Variants in GPC6 observed in about 807,000 individuals in gnomAD.
GPC6 encodes glypican 6.
Under a neutral mutation model 55.2 loss-of-function variants are expected in GPC6, and 14 were observed. The ratio of observed to expected loss-of-function variants is 0.25; its 90% confidence interval spans 0.17 to 0.40. The LOEUF (loss-of-function observed/expected upper bound fraction) is 0.40, where lower values mean the gene tolerates loss of function less well. GPC6 is among the 10% of genes least tolerant of loss of function. The pLI, the probability that GPC6 is intolerant of heterozygous loss-of-function variation, is 1.00. For missense variants in GPC6, 641 were observed against 708.5 expected (o/e 0.90, Z 1.08); for synonymous variants, 278 against 259.6 (o/e 1.07, Z -0.68).
intron 5 of GPC6, among the ~76,000 whole-genome samples, chr13:94,288,885 A>AATATATATATATTTGTT (rs1555316139): frequency 6.0e-5 from 2 of 33,392 alleles, no homozygotes; most frequent in Admixed American, 9.8e-4. Context: ...ATATATAACT[A>AATATATATATATTTGTT]ATATATATAA....
chr13:93,830,898 A>G (rs908322278), intron 3 of GPC6: 5 of 241,370 alleles, frequency 2.1e-5, no homozygotes, highest in Non-Finnish European at 3.2e-5. Flanking sequence ...ATACTCATGA[A>G]AGAATCCATT....
At chr13:93,998,775 T>C (rs1316817569) in intron 3 of GPC6, among the ~76,000 whole-genome samples, 9 of 152,098 alleles carry the variant, frequency 5.9e-5, no homozygotes, top group Admixed American at 5.2e-4. Context: ...TGTGTGTATA[T>C]ATATATAATG....
At chr13:93,944,370 A>AT (rs748413292) in intron 3 of GPC6, among the ~76,000 whole-genome samples, 147 of 151,668 alleles carry the variant, frequency 9.7e-4, no homozygotes, top group Non-Finnish European at 1.7e-3. Flanking sequence ...TGCCTAGCTA[A>AT]TTTTTTTGTA....
At chr13:94,247,859 T>C (rs1322560893) in intron 4 of GPC6, among the ~76,000 whole-genome samples, 1 of 152,084 alleles carries the variant, frequency 6.6e-6, no homozygotes, top group East Asian at 1.9e-4. Context: ...GGGGTCTCGC[T>C]GTTTTGCCCA....
At chr13:94,244,934 C>A (rs1001812024) in intron 4 of GPC6, among the ~76,000 whole-genome samples, 1 of 151,806 alleles carries the variant, frequency 6.6e-6, no homozygotes, top group African/African-American at 2.4e-5. Context: ...CATGATGTTA[C>A]AAGATACATG....
intron 3 of GPC6, among the ~76,000 whole-genome samples, chr13:93,949,290 T>C (rs548530182): frequency 1.8e-4 from 28 of 152,374 alleles, no homozygotes; most frequent in African/African-American, 6.5e-4. Context: ...TATCCACTTA[T>C]GTTCTGCTTT....
chr13:93,406,804 C>T (rs1019449267), intron 1 of GPC6, among the ~76,000 whole-genome samples: 1 of 152,006 alleles, frequency 6.6e-6, no homozygotes, highest in Non-Finnish European at 1.5e-5. Context: ...CATTAAGGAA[C>T]CATCAGAGAA....
chr13:94,323,813 A>T (rs900010596), intron 6 of GPC6, among the ~76,000 whole-genome samples: 1 of 152,218 alleles, frequency 6.6e-6, no homozygotes, highest in Admixed American at 6.5e-5. Context: ...TAGATTTTTT[A>T]AAAGATTTTT....
At chr13:93,439,688 A>AGATAAGATAAGATAAGATAAGATAAG (rs1566358017) in intron 1 of GPC6, among the ~76,000 whole-genome samples, 19 of 129,048 alleles carry the variant, frequency 1.5e-4, no homozygotes, top group African/African-American at 5.3e-4. Context: ...AAATAAAATA[A>AGATAAGATAAGATAAGATAAGATAAG]ATAAAAAAAA....
chr13:93,690,551 C>G (rs1359613948), intron 2 of GPC6, among the ~76,000 whole-genome samples: 4 of 151,780 alleles, frequency 2.6e-5, no homozygotes, highest in Non-Finnish European at 2.9e-5. Flanking sequence ...ATGCCTCCTA[C>G]AAGATCAGGA....
intron 1 of GPC6, among the ~76,000 whole-genome samples, chr13:93,396,070 G>A (rs1875844060): frequency 6.6e-6 from 1 of 152,134 alleles, no homozygotes; most frequent in Non-Finnish European, 1.5e-5. Flanking sequence ...AGGTAGAGGT[G>A]AACTTGACCT....
Position 94,073,242 on chromosome 13 carries a change from G to A in GPC6, c.877+45348G>A, listed in dbSNP as rs142884317. Among the ~76,000 whole-genome samples the A allele has an allele frequency of 2.7e-3, 410 of 152,196 alleles. 4 individuals are homozygous for A. Among genetic ancestry groups the A allele is most frequent in the Admixed American group, 0.014 (214 of 15,286 alleles). ...TTGATTCTGATCCAGGAATACCATC[G>A]TTATTACTCTCTCCTAAAGCATTCA... On this transcript the variant is annotated intron_variant, in intron 4 of 8. Transcript: ENST00000377047.
chr13:93,965,410 CAAAT>C (rs141337633), intron 3 of GPC6, among the ~76,000 whole-genome samples: 15 of 151,836 alleles, frequency 9.9e-5, no homozygotes, highest in African/African-American at 2.9e-4. Context: ...GACTCCATCT[CAAAT>C]AAATAAATAA....
chr13:93,922,429 T>C (rs530598606), intron 3 of GPC6, among the ~76,000 whole-genome samples: 90 of 152,204 alleles, frequency 5.9e-4, no homozygotes, highest in Non-Finnish European at 1.0e-3. Flanking sequence ...TGTTCCTTCT[T>C]CATATTAAAT....
chr13:94,155,254 G>T (rs497836), intron 4 of GPC6, among the ~76,000 whole-genome samples: 88,156 of 151,776 alleles, frequency 0.58, 27,025 homozygotes, highest in Non-Finnish European at 0.67. Flanking sequence ...TTCTTTTCTC[G>T]AGTTTTCTAT....
At chr13:93,565,574 A>C (rs61964251) in intron 2 of GPC6, among the ~76,000 whole-genome samples, 2 of 152,166 alleles carry the variant, frequency 1.3e-5, no homozygotes, top group South Asian at 2.1e-4. Context: ...AAGTGTGTTG[A>C]TATTTCTTTT....
chr13:93,418,940 A>G (rs1490295133), intron 1 of GPC6, among the ~76,000 whole-genome samples: 4 of 151,204 alleles, frequency 2.6e-5, no homozygotes, highest in Non-Finnish European at 4.4e-5. Flanking sequence ...ATACCATAGT[A>G]TTATTTTATT....
rs529144003 is a variant in GPC6 at position 93,483,345 on chromosome 13, T to A, written c.161-61918T>A. 8.5e-5 allele frequency among the ~76,000 whole-genome samples: 13 copies of A among 152,222 alleles called. 2 individuals carry two copies. Among genetic ancestry groups the A allele is most frequent in the African/African-American group, 3.1e-4 (13 of 41,566 alleles). ...TGATTACTATTGTGAAACTTATCAG[T>A]CAATAATCATGTAGCAGAGATGCTT... On this transcript the variant is annotated intron_variant, in intron 1 of 8. Transcript: ENST00000377047.
intron 1 of GPC6, among the ~76,000 whole-genome samples, chr13:93,364,055 G>T (rs984676943): frequency 8.5e-5 from 13 of 152,086 alleles, no homozygotes; most frequent in Non-Finnish European, 1.6e-4. Flanking sequence ...AGATGAGTAG[G>T]TTGCGAAAAT....
Sources: allele counts gnomAD v4.1 joint callset (sites outside exome capture counted in the v4.1 genomes callset), GRCh38; gene constraint gnomAD v4.1.1; transcripts MANE v1.5; gene names NCBI Gene and HGNC (gene_info 2026-07-23, HGNC 2026-07-21).